Variants in TEX11 observed in about 807,000 individuals in gnomAD.
The protein encoded by TEX11 is testis expressed 11.
A neutral mutation model predicts 84.4 loss-of-function variants in TEX11; 7 were observed. The observed-to-expected ratio is 0.08, with a 90% confidence interval of 0.05 to 0.16. The LOEUF (loss-of-function observed/expected upper bound fraction) is 0.16. Among genes scored for constraint, TEX11 ranks in the 10% least tolerant of loss-of-function variants. TEX11 has a pLI of 1.00. For synonymous variants in TEX11, 264 were observed against 222.8 expected, an observed-to-expected ratio of 1.18 and a Z score of -1.64; for missense variants, 551 against 660.5, an observed-to-expected ratio of 0.83 and a Z score of 1.82.
chrX:70,802,705 C>G (rs1282587625), intron 9 of TEX11, among the ~76,000 whole-genome samples: 2 of 110,766 alleles, frequency 1.8e-5, no homozygotes, highest in African/African-American at 3.3e-5. Flanking sequence ...GAAAAATCAC[C>G]CAGAATTAAG....
At chrX:70,598,521 T>C (rs1182679825) in intron 24 of TEX11, among the ~76,000 whole-genome samples, 2 of 112,071 alleles carry the variant, frequency 1.8e-5, no homozygotes, top group Non-Finnish European at 3.8e-5. Context: ...ATATTTCATA[T>C]TGAAAGAAAT....
At chrX:70,623,275 A>C (rs2089415306) in intron 20 of TEX11, among the ~76,000 whole-genome samples, 2 of 112,141 alleles carry the variant, frequency 1.8e-5, no homozygotes, top group African/African-American at 6.5e-5. Context: ...AGTTATCCCT[A>C]ATCAACACCC....
In TEX11 at chrX:70,797,717, G is replaced by A. The variant is rs183097215; in HGVS notation, c.692+8988C>T. Among the ~76,000 whole-genome samples the A allele has an allele frequency of 2.8e-5, 3 of 106,290 alleles. No individual in the cohort carries two copies. The East Asian group carries it at 8.8e-4, about 31-fold the overall frequency. The allele number at this position is 106,290 out of a possible 115,157, so 92.3% of individuals were successfully genotyped here. ...GTTCAGCATATAAAAATCAATAAAT[G>A]TGATACACCATTTGAACAGAATAAA... On this transcript the variant is annotated intron_variant, in intron 9 of 29. Transcript: ENST00000374333.
intron 25 of TEX11, among the ~76,000 whole-genome samples, chrX:70,563,869 C>A (rs749987281): frequency 8.9e-6 from 1 of 112,298 alleles, no homozygotes; most frequent in Non-Finnish European, 1.9e-5. Context: ...ATGCAGTATC[C>A]TTTTTATATA....
chrX:70,592,933 G>C (rs1444156231), intron 24 of TEX11, among the ~76,000 whole-genome samples: 2 of 110,921 alleles, frequency 1.8e-5, no homozygotes, highest in African/African-American at 6.6e-5. Flanking sequence ...GAAAATAATA[G>C]ACCAACTAGA....
At chrX:70,582,360 G>A (rs1048488951) in intron 25 of TEX11, among the ~76,000 whole-genome samples, 6 of 111,889 alleles carry the variant, frequency 5.4e-5, no homozygotes, top group Non-Finnish European at 1.1e-4. Context: ...GCATAATGAA[G>A]GACAAACTGG....
At chrX:70,712,307 C>T (rs777802808) in intron 13 of TEX11, among the ~76,000 whole-genome samples, 95 of 111,115 alleles carry the variant, frequency 8.5e-4, no homozygotes, top group Non-Finnish European at 6.6e-4. Flanking sequence ...TTTAAAGTAG[C>T]TTTTTCCAAT....
chrX:70,534,490 A>G (rs773507016), intron 28 of TEX11, among the ~76,000 whole-genome samples: 1 of 111,846 alleles, frequency 8.9e-6, no homozygotes, highest in Non-Finnish European at 1.9e-5. Context: ...AAAATCATTA[A>G]TCCTCAATAA....
chrX:70,682,659 G>A lies in TEX11; in HGVS notation c.1156+15C>T, dbSNP rs780866509. 6.7e-5 allele frequency: 81 copies of A among 1,202,741 alleles called. No individual in the cohort carries two copies. Among genetic ancestry groups the A allele is most frequent in the Non-Finnish European group, 8.7e-5 (78 of 892,100 alleles). On this transcript the variant is annotated intron_variant, in intron 14 of 29. Transcript: ENST00000374333. ...ATTAATACGTTTCTAAAACACTTGC[G>A]AAAATCCTACTGACCTAAAAAGATT...
chrX:70,574,349 C>T (rs1300628472), intron 25 of TEX11, among the ~76,000 whole-genome samples: 1 of 111,641 alleles, frequency 9.0e-6, no homozygotes, highest in Non-Finnish European at 1.9e-5. Context: ...TAAGCAAAGT[C>T]ATCTTTGGTA....
intron 25 of TEX11, among the ~76,000 whole-genome samples, chrX:70,587,057 C>T (rs188118619): frequency 6.2e-4 from 70 of 112,015 alleles, no homozygotes; most frequent in African/African-American, 2.1e-3. Flanking sequence ...TTGCCTCTGC[C>T]CTAGAGACCT....
At chrX:70,673,668 G>A (rs2090044194) in intron 15 of TEX11, among the ~76,000 whole-genome samples, 1 of 109,905 alleles carries the variant, frequency 9.1e-6, no homozygotes, top group Admixed American at 9.7e-5. Context: ...ACCATTAGTT[G>A]AAAACACCAT....
At chrX:70,684,631 C>T (rs759422788) in intron 13 of TEX11, among the ~76,000 whole-genome samples, 2 of 111,513 alleles carry the variant, frequency 1.8e-5, no homozygotes, top group Non-Finnish European at 3.8e-5. Context: ...ACACTGAAAA[C>T]TAAAAAACAT....
downstream of TEX11, among the ~76,000 whole-genome samples, chrX:70,527,309 A>T (rs2087832183): frequency 8.9e-6 from 1 of 112,312 alleles, no homozygotes; most frequent in Admixed American, 9.5e-5. Flanking sequence ...CCTGGCAGAC[A>T]TCTTCTTAAC....
chrX:70,767,578 A>C lies in TEX11; in HGVS notation c.693-23359T>G, dbSNP rs542801382. 2.1e-4 allele frequency among the ~76,000 whole-genome samples: 23 copies of C among 111,578 alleles called. No individual in the cohort carries two copies. In the South Asian group the frequency reaches 8.7e-3, roughly 42 times the overall value. On this transcript the variant is annotated intron_variant, in intron 9 of 29. Transcript: ENST00000374333. Reference sequence around the variant, plus strand: ...AGAACAGTTTGGAGTTTCCTCAAAAAACTAAAAATTGAGCTACCATATGAT... The same window carrying C: ...AGAACAGTTTGGAGTTTCCTCAAAACACTAAAAATTGAGCTACCATATGAT...
intron 5 of TEX11, among the ~76,000 whole-genome samples, chrX:70,856,745 C>T (rs1384908332): frequency 1.8e-5 from 2 of 110,633 alleles, no homozygotes; most frequent in South Asian, 3.8e-4. Context: ...TTAAAGGAAA[C>T]GATGGACTAT....
At chrX:70,676,913 A>C (rs1187996668) in intron 15 of TEX11, among the ~76,000 whole-genome samples, 1 of 111,903 alleles carries the variant, frequency 8.9e-6, no homozygotes, top group Non-Finnish European at 1.9e-5. Context: ...CATCTTTATA[A>C]GTTTGATTTG....
intron 2 of TEX11, among the ~76,000 whole-genome samples, chrX:70,903,862 ACT>A (rs2091815724): frequency 9.4e-6 from 1 of 106,399 alleles, no homozygotes; most frequent in Admixed American, 1.0e-4. Flanking sequence ...ACAGGATCTC[ACT>A]CTGTCACCCA....
the TEX11 span, among the ~76,000 whole-genome samples, chrX:70,520,370 C>G: frequency 8.9e-6 from 1 of 112,448 alleles, no homozygotes; most frequent in Non-Finnish European, 1.9e-5. Flanking sequence ...TTCTACCAGT[C>G]AGGTCCCTCA....
Sources: allele counts gnomAD v4.1 joint callset (sites outside exome capture counted in the v4.1 genomes callset), GRCh38; gene constraint gnomAD v4.1.1; transcripts MANE v1.5; gene names NCBI Gene and HGNC (gene_info 2026-07-23, HGNC 2026-07-21).